JAK1: variants seen among roughly 807,000 people sequenced by gnomAD.
JAK1 encodes tyrosine-protein kinase JAK1.
JAK1 carries 16 observed loss-of-function variants against 136.6 expected under a neutral mutation model. That is an observed-to-expected ratio of 0.12 (90% confidence interval 0.08 to 0.18). The LOEUF is 0.18. Among genes scored for constraint, JAK1 ranks in the 10% least tolerant of loss-of-function variants. The pLI, the probability that JAK1 is intolerant of heterozygous loss-of-function variation, is 1.00. For missense variants in JAK1, 859 were observed against 1,450.1 expected (o/e 0.59, Z 6.62); for synonymous variants, 492 against 519.5 (o/e 0.95, Z 0.72).
chr1:65,020,712 C>T (rs1013690292), intron 2 of JAK1, among the ~76,000 whole-genome samples: 2 of 152,086 alleles, frequency 1.3e-5, no homozygotes, highest in African/African-American at 4.8e-5. Flanking sequence ...CTATAAGAAA[C>T]TTGTCCATAT....
chr1:64,963,196 T>C (rs1255426948), intron 1 of JAK1, among the ~76,000 whole-genome samples: 1 of 152,194 alleles, frequency 6.6e-6, no homozygotes, highest in Non-Finnish European at 1.5e-5. Flanking sequence ...AAGGAACACC[T>C]TCCTTGGTCA....
At chr1:64,928,795 A>AAAAAAAAAAAAAAAAAAAAAAAAT in intron 1 of JAK1, among the ~76,000 whole-genome samples, 1 of 123,740 alleles carries the variant, frequency 8.1e-6, no homozygotes. Context: ...AAAAAAAAAA[A>AAAAAAAAAAAAAAAAAAAAAAAAT]ACAAAAAAAA....
At chr1:64,923,218 T>C (rs1257129707) in intron 1 of JAK1, among the ~76,000 whole-genome samples, 2 of 152,188 alleles carry the variant, frequency 1.3e-5, no homozygotes, top group East Asian at 3.9e-4. Context: ...AGCACTTCAT[T>C]AAATATTGTA....
At chr1:64,932,244 C>A (rs1645708699) in intron 1 of JAK1, among the ~76,000 whole-genome samples, 1 of 152,062 alleles carries the variant, frequency 6.6e-6, no homozygotes, top group African/African-American at 2.4e-5. Context: ...GAAACCCTGT[C>A]TCTACTAAAA....
chr1:64,880,636 G>A (rs1003495917), intron 3 of JAK1, among the ~76,000 whole-genome samples: 2 of 152,128 alleles, frequency 1.3e-5, no homozygotes, highest in Admixed American at 6.5e-5. Context: ...CATTTACTGA[G>A]GGCTAAGTGT....
At position 64,949,159 on chromosome 1, in the gene JAK1, G is replaced by A. The variant is rs568844384; in HGVS notation, c.-78+17174C>T. Among the ~76,000 whole-genome samples the A allele has an allele frequency of 5.9e-5, 9 of 152,332 alleles. No homozygotes were observed. The South Asian group carries it at 1.7e-3, about 28-fold the overall frequency. On this transcript the variant is annotated intron_variant, in intron 1 of 24. Coordinates refer to ENST00000342505, the MANE Select transcript of JAK1 (RefSeq NM_002227.4). ...GAAAGATTTTAAGCAAGGCAGTGAT[G>A]TGTTCAGATTTGCATTATAGAATTG...
chr1:65,059,145 A>G (rs1367775362), intron 1 of JAK1, among the ~76,000 whole-genome samples: 1 of 13,022 alleles, frequency 7.7e-5, no homozygotes, highest in East Asian at 1.1e-3. Flanking sequence ...TTATAGGCAG[A>G]AAAAAAAAAA....
intron 2 of JAK1, among the ~76,000 whole-genome samples, chr1:64,973,368 CAAAAG>C (rs1032349110): frequency 2.7e-5 from 4 of 147,668 alleles, no homozygotes; most frequent in Admixed American, 6.8e-5. Context: ...AGGAAGAGAA[CAAAAG>C]AAAAGAAAAG....
intron 4 of JAK1, among the ~76,000 whole-genome samples, chr1:64,878,557 GTGTGTATATA>G (rs1644712745): frequency 1.6e-5 from 1 of 62,790 alleles, no homozygotes; most frequent in African/African-American, 7.3e-5. Context: ...TATATATATA[GTGTGTATATA>G]TATATATATA....
intron 1 of JAK1, among the ~76,000 whole-genome samples, chr1:64,928,037 G>A (rs1383480314): frequency 6.6e-6 from 1 of 152,200 alleles, no homozygotes; most frequent in Admixed American, 6.5e-5. Context: ...TGGAGGGTCA[G>A]TCTTATTTCT....
chr1:64,997,899 G>C (rs1230403299), intron 2 of JAK1, among the ~76,000 whole-genome samples: 1 of 152,190 alleles, frequency 6.6e-6, no homozygotes. Flanking sequence ...CACAAGACGA[G>C]ACAGCCTCTC....
At chr1:64,982,083 A>AACAC (rs5774736) in intron 2 of JAK1, among the ~76,000 whole-genome samples, 8 of 150,548 alleles carry the variant, frequency 5.3e-5, no homozygotes, top group Admixed American at 4.6e-4. Context: ...TAAGTTAAAT[A>AACAC]ACACACACAC....
intron 1 of JAK1, among the ~76,000 whole-genome samples, chr1:64,947,436 C>A (rs1460606299): frequency 6.6e-6 from 1 of 152,138 alleles, no homozygotes; most frequent in African/African-American, 2.4e-5. Flanking sequence ...CAGACATCAT[C>A]TTGGAGCAGC....
At chr1:64,975,413 A>T (rs111231960) in intron 2 of JAK1, among the ~76,000 whole-genome samples, 2,495 of 152,276 alleles carry the variant, frequency 0.016, 78 homozygotes, top group African/African-American at 0.057. Context: ...GTGCACTTTC[A>T]TGGTGGCCAC....
chr1:64,841,725 CGTAA>C, intron 17 of JAK1, 124 bp from the exon 18 acceptor site: 6 of 981,278 alleles, frequency 6.1e-6, no homozygotes, highest in Non-Finnish European at 7.7e-6. Flanking sequence ...AGGTAGATTT[CGTAA>C]GTGTTTGTTA....
At chr1:64,868,483 T>C (rs1570671384) in intron 6 of JAK1, among the ~76,000 whole-genome samples, 1 of 152,122 alleles carries the variant, frequency 6.6e-6, no homozygotes, top group East Asian at 1.9e-4. Context: ...ATTTAGCTTA[T>C]GAAAAAATAA....
At position 64,834,501 on chromosome 1, in the gene JAK1, G is replaced by T; in HGVS notation, c.*61C>A. 1 of 1,129,316 alleles carries T rather than the reference G, an allele frequency of 8.9e-7. No homozygotes were observed. The highest frequency in any genetic ancestry group is 1.3e-6 in the Non-Finnish European group (1 of 754,426). 70.0% of individuals were successfully genotyped at this position (1,129,316 alleles called of 1,614,324 possible). A position where few individuals can be genotyped will look rare whatever the true frequency, so the allele number is the denominator to read the frequency against. ...ATTAGAAATTTTTAAAAAATGACTT[G>T]GGCATTTGTTGCAGGAGAAGGACTT... On this transcript the variant is annotated 3_prime_UTR_variant, in exon 25 of 25. Transcript: ENST00000342505.
chr1:64,884,363 G>A (rs1182405835), intron 2 of JAK1, among the ~76,000 whole-genome samples: 1 of 152,180 alleles, frequency 6.6e-6, no homozygotes, highest in Admixed American at 6.5e-5. Flanking sequence ...AAACTAATTC[G>A]CTGACCCCAC....
At chr1:64,849,715 A>G (rs1655467679) in intron 12 of JAK1, among the ~76,000 whole-genome samples, 1 of 152,244 alleles carries the variant, frequency 6.6e-6, no homozygotes. Flanking sequence ...TGTGGAAGGC[A>G]TGGAGGATGG....
Sources: allele counts gnomAD v4.1 joint callset (sites outside exome capture counted in the v4.1 genomes callset), GRCh38; gene constraint gnomAD v4.1.1; transcripts MANE v1.5; gene names NCBI Gene and HGNC (gene_info 2026-07-23, HGNC 2026-07-21).